The following AIM2 variants were observed in gnomAD, a reference collection of about 807,000 sequenced individuals.
The protein encoded by AIM2 is interferon-inducible protein AIM2.
AIM2 carries 30 observed loss-of-function variants against 27.7 expected under a neutral mutation model. The observed-to-expected ratio is 1.08, with a 90% CI of 0.81 to 1.47. The LOEUF (loss-of-function observed/expected upper bound fraction) is 1.47, where lower values mean the gene tolerates loss of function less well. Among genes scored for constraint, AIM2 ranks in the 40% most tolerant of loss-of-function variants. AIM2 has a pLI of 0.00. For missense variants in AIM2, 358 were observed against 411.3 expected (o/e 0.87, Z 1.12); for synonymous variants, 141 against 145.3 (o/e 0.97, Z 0.21).
Position 159,063,985 on chromosome 1 carries a change from T to G in AIM2, c.817-311A>C, listed in dbSNP as rs142930321. On this transcript the variant is annotated intron_variant, in intron 4 of 5. Coordinates refer to ENST00000368130, the MANE Select transcript of AIM2 (RefSeq NM_004833.3). ...ATTTTCTTTTTTATAATTTTATTAA[T>G]AACATTTTTCTCTAGCTTACTTTTT... 3.6e-3 allele frequency among the ~76,000 whole-genome samples: 552 copies of G among 152,352 alleles called. 17 individuals are homozygous for G. Among genetic ancestry groups the G allele is most frequent in the Admixed American group, 0.033 (501 of 15,298 alleles).
chr1:159,110,928 C>G (rs1343465187), intron 1 of AIM2, among the ~76,000 whole-genome samples: 1 of 152,072 alleles, frequency 6.6e-6, no homozygotes, highest in East Asian at 1.9e-4. Flanking sequence ...GGGACTCTTG[C>G]AACATCACAT....
intron 4 of AIM2, among the ~76,000 whole-genome samples, chr1:159,065,286 G>A (rs565317070): frequency 3.0e-4 from 45 of 151,934 alleles, no homozygotes; most frequent in African/African-American, 9.4e-4. Context: ...TCTGCCCCGC[G>A]GCCCTGTCTG....
chr1:159,133,301 C>T (rs1007487825), intron 1 of AIM2, among the ~76,000 whole-genome samples: 12 of 152,150 alleles, frequency 7.9e-5, no homozygotes, highest in Admixed American at 7.9e-4. Flanking sequence ...AGTTTGGTCA[C>T]GAGTTGATCA....
At chr1:159,075,177 T>G (rs746820046) in intron 1 of AIM2, among the ~76,000 whole-genome samples, 5 of 152,070 alleles carry the variant, frequency 3.3e-5, no homozygotes, top group Non-Finnish European at 7.4e-5. Context: ...CAAAGTGGCA[T>G]TAAAAATCAC....
intron 1 of AIM2, among the ~76,000 whole-genome samples, chr1:159,120,290 G>A (rs576203919): frequency 6.6e-6 from 1 of 152,264 alleles, no homozygotes; most frequent in South Asian, 2.1e-4. Context: ...AAAAGGTCCT[G>A]TGTGCAAAAG....
At chr1:159,116,884 G>T (rs1410176190) in intron 1 of AIM2, among the ~76,000 whole-genome samples, 1 of 151,698 alleles carries the variant, frequency 6.6e-6, no homozygotes, top group Admixed American at 6.6e-5. Context: ...TTCTGAAACT[G>T]TATTAAGGTC....
At chr1:159,115,238 C>T (rs1286394883) in intron 1 of AIM2, among the ~76,000 whole-genome samples, 1 of 152,068 alleles carries the variant, frequency 6.6e-6, no homozygotes, top group East Asian at 1.9e-4. Context: ...GAATCAATAT[C>T]GTGAAAATGG....
At chr1:159,102,677 T>A (rs1023932192) in intron 1 of AIM2, among the ~76,000 whole-genome samples, 1 of 152,210 alleles carries the variant, frequency 6.6e-6, no homozygotes, top group Admixed American at 6.5e-5. Context: ...GGAGATCATT[T>A]TGGAGCTTTA....
At position 159,066,034 on chromosome 1, in the gene AIM2, T is replaced by A; in HGVS notation, c.692A>T (p.Glu231Val). The A allele has an allele frequency of 6.2e-7, 1 of 1,614,212 alleles. No individual in the cohort carries two copies. The highest frequency in any genetic ancestry group is 8.5e-7 in the Non-Finnish European group (1 of 1,180,032). ...CGGGACATTAACCTTTTGGTCAGAT[T>A]CAGCATCTAACACACGTGAGGCGCT... ...VNSASRVLDA[E>V]SDQKVNVPLN... Residue 231 changes from glutamate (E) to valine (V), a missense_variant, in exon 4 of 6, where the codon GAA becomes GTA. Coordinates refer to ENST00000368130, the MANE Select transcript of AIM2 (RefSeq NM_004833.3).
At chr1:159,067,083 T>C (rs573502288) in intron 3 of AIM2, among the ~76,000 whole-genome samples, 84 of 152,284 alleles carry the variant, frequency 5.5e-4, no homozygotes, top group African/African-American at 1.9e-3. Context: ...ACTGTGCAAA[T>C]ATTAAAAATG....
intron 1 of AIM2, among the ~76,000 whole-genome samples, chr1:159,138,744 T>C (rs958953967): frequency 6.6e-6 from 1 of 152,212 alleles, no homozygotes; most frequent in Non-Finnish European, 1.5e-5. Flanking sequence ...TTATAGTCAA[T>C]TGAAGTCAGC....
chr1:159,089,118 G>A (rs556743016), intron 1 of AIM2, among the ~76,000 whole-genome samples: 1 of 152,284 alleles, frequency 6.6e-6, no homozygotes, highest in African/African-American at 2.4e-5. Flanking sequence ...ACTGTCATTT[G>A]TATGAGATGG....
intron 1 of AIM2, among the ~76,000 whole-genome samples, chr1:159,112,015 C>T (rs1213332241): frequency 6.6e-6 from 1 of 151,872 alleles, no homozygotes; most frequent in South Asian, 2.1e-4. Context: ...GCACTCCAGC[C>T]TGGGCGACAG....
intron 2 of AIM2, among the ~76,000 whole-genome samples, 193 bp downstream of exon 2, chr1:159,073,045 G>A (rs1656431753): frequency 6.6e-6 from 1 of 152,210 alleles, no homozygotes; most frequent in Admixed American, 6.5e-5. Flanking sequence ...AGGCTGGAAT[G>A]GATTTGTGGA....
intron 1 of AIM2, among the ~76,000 whole-genome samples, chr1:159,121,495 T>G (rs190375457): frequency 5.3e-4 from 81 of 152,226 alleles, no homozygotes; most frequent in Non-Finnish European, 5.9e-4. Flanking sequence ...TTTTCCTAAA[T>G]TTTTGGTTCT....
At chr1:159,141,310 A>T (rs1648105557), upstream of AIM2, among the ~76,000 whole-genome samples, 1 of 152,206 alleles carries the variant, frequency 6.6e-6, no homozygotes, top group Admixed American at 6.5e-5. Flanking sequence ...AAAACCTGTG[A>T]CTTTCCGTCT....
rs1052080482 is a variant in AIM2, at chr1:159,065,954, G to C, written c.772C>G (p.Gln258Glu). 8 of 1,614,038 alleles carry C rather than the reference G, an allele frequency of 5.0e-6. No homozygotes were observed. The highest frequency in any genetic ancestry group is 5.9e-6 in the Non-Finnish European group (7 of 1,179,986). The stretch of plus-strand genomic sequence containing the variant: ...CCATTCACAATTGTTCCAAGGGGCT[G>C]AGTTTGAAGCGTGTTGATCTTCGGG... ...ETPKINTLQT[Q>E]PLGTIVNGLF... The change falls in exon 4 of 6, where the codon CAG becomes GAG. Residue 258 changes from glutamine (Q) to glutamate (E), a missense_variant. Physicochemically the swap from Gln to Glu is conservative, Grantham distance 29. Transcript: ENST00000368130.
At chr1:159,098,309 C>T (rs181774621) in intron 1 of AIM2, among the ~76,000 whole-genome samples, 1 of 152,196 alleles carries the variant, frequency 6.6e-6, no homozygotes, top group South Asian at 2.1e-4. Flanking sequence ...GAGAGCTATA[C>T]AGACAGTCCC....
intron 1 of AIM2, among the ~76,000 whole-genome samples, chr1:159,115,716 A>C (rs1329971590): frequency 1.3e-5 from 2 of 152,226 alleles, no homozygotes; most frequent in Non-Finnish European, 2.9e-5. Flanking sequence ...TTAGACCTAA[A>C]ACCATAAAAA....
Sources: allele counts gnomAD v4.1 joint callset (sites outside exome capture counted in the v4.1 genomes callset), GRCh38; gene constraint gnomAD v4.1.1; transcripts MANE v1.5; gene names NCBI Gene and HGNC (gene_info 2026-07-23, HGNC 2026-07-21).